IP6K1: variants seen among roughly 807,000 people sequenced by gnomAD.
IP6K1 encodes the protein ATP:1D-myo-inositol-hexakisphosphate phosphotransferase.
Under a neutral mutation model 38.3 loss-of-function variants are expected in IP6K1, and 13 were observed. That is an observed-to-expected ratio of 0.34 (90% confidence interval 0.22 to 0.54). The LOEUF is 0.54. Among genes scored for constraint, IP6K1 ranks in the 20% least tolerant of loss-of-function variants. The pLI is 0.92. For missense variants in IP6K1, 397 were observed against 599.8 expected (o/e 0.66, Z 3.53); for synonymous variants, 212 against 229.9 (o/e 0.92, Z 0.70).
At chr3:49,762,692 A>G (rs941265628) in intron 1 of IP6K1, among the ~76,000 whole-genome samples, 9 of 152,198 alleles carry the variant, frequency 5.9e-5, no homozygotes, top group African/African-American at 1.9e-4. Flanking sequence ...TAAGAAAGAA[A>G]TATCAATCTT....
intron 2 of IP6K1, among the ~76,000 whole-genome samples, chr3:49,743,275 CACACACTT>C (rs1279931332): frequency 1.3e-5 from 2 of 150,878 alleles, no homozygotes; most frequent in East Asian, 2.0e-4. Context: ...CACACACACA[CACACACTT>C]ACCTTTCAGC....
chr3:49,748,016 C>G lies in IP6K1; in HGVS notation c.25G>C (p.Val9Leu). The G allele has an allele frequency of 6.2e-7, 1 of 1,613,604 alleles. No individual in the cohort carries two copies. The highest frequency in any genetic ancestry group is 8.5e-7 in the Non-Finnish European group (1 of 1,180,046). Residue 9 changes from valine to leucine, a missense_variant, in exon 2 of 6, where the codon GTG (valine) becomes CTG (leucine). This residue lies in a region of IP6K1 where 171 missense variants were observed against 237.0 expected (regional missense o/e 0.72). Transcript: ENST00000321599. MCVCQTME[V>L]GQYGKNASRA... The stretch of plus-strand genomic sequence containing the variant: ...CTTGCATTCTTGCCATACTGCCCCA[C>G]TTCCATGGTTTGACAAACACACATT...
chr3:49,751,254 C>G (rs1363133855), intron 1 of IP6K1, among the ~76,000 whole-genome samples: 2 of 152,022 alleles, frequency 1.3e-5, no homozygotes, highest in African/African-American at 2.4e-5. Context: ...CTCCAGGGTT[C>G]AAGCGATTCT....
At chr3:49,757,314 G>A (rs1209709246) in intron 1 of IP6K1, among the ~76,000 whole-genome samples, 2 of 152,178 alleles carry the variant, frequency 1.3e-5, no homozygotes, top group African/African-American at 2.4e-5. Context: ...TAAGCACAGT[G>A]GGGACAAGTT....
At chr3:49,776,283 G>A (rs1348612163) in intron 1 of IP6K1, among the ~76,000 whole-genome samples, 1 of 151,946 alleles carries the variant, frequency 6.6e-6, no homozygotes, top group Non-Finnish European at 1.5e-5. Context: ...TTGGGAGGCC[G>A]AGATGGGCAG....
chr3:49,728,004 G>T, intron 5 of IP6K1, 99 bp downstream of exon 5: 1 of 1,230,612 alleles, frequency 8.1e-7, no homozygotes, highest in Non-Finnish European at 1.2e-6. Flanking sequence ...AGGACAGAGG[G>T]GCTCAGGAGG....
chr3:49,762,590 TA>T (rs774145417), intron 1 of IP6K1, among the ~76,000 whole-genome samples: 3 of 151,986 alleles, frequency 2.0e-5, no homozygotes, highest in Non-Finnish European at 4.4e-5. Flanking sequence ...TGAACACTCC[TA>T]TATCTATTAA....
rs1248443951 is a variant in IP6K1, at chr3:49,726,949, C to T, written c.*173G>A. On this transcript the variant is annotated 3_prime_UTR_variant, in exon 6 of 6. Transcript: ENST00000321599. The stretch of plus-strand genomic sequence containing the variant: ...GCTGAGAGGGCGTGTGGTCTGCCCT[C>T]CTTCACTTTATATATATGGATTCCA... 3 of 668,734 alleles carry T rather than the reference C, an allele frequency of 4.5e-6. No individual in the cohort carries two copies. The African/African-American group carries it at 5.4e-5, about 12-fold the overall frequency. 41.4% of individuals were successfully genotyped at this position (668,734 alleles called of 1,614,324 possible).
intron 1 of IP6K1, among the ~76,000 whole-genome samples, chr3:49,767,510 C>T (rs138618003): frequency 2.8e-4 from 43 of 152,010 alleles, no homozygotes; most frequent in African/African-American, 9.4e-4. Context: ...AACCGGGAGG[C>T]GGAAACTGTG....
Position 49,738,327 on chromosome 3 carries a change from T to C in IP6K1, c.319A>G (p.Thr107Ala). 1.2e-6 allele frequency: 2 copies of C among 1,614,200 alleles called. No homozygotes were observed. Among genetic ancestry groups the C allele is most frequent in the Non-Finnish European group, 1.7e-6 (2 of 1,180,028 alleles). ...CGCCGAGGTTGCTCCCGTTCTGTTG[T>C]GTCATCCTGTTCCACAGTCTCACTT... ...VESETVEQDDTTEREQPRRKH... is the reference protein window; with the variant it reads ...VESETVEQDDATEREQPRRKH... Residue 107 changes from threonine (T) to alanine (A), a missense_variant, in exon 3 of 6, where the codon ACA (threonine) becomes GCA (alanine). Physicochemically the swap from Thr to Ala is moderately conservative, Grantham distance 58. This residue lies in a region of IP6K1 where 171 missense variants were observed against 237.0 expected (regional missense o/e 0.72). Transcript: ENST00000321599.
At chr3:49,751,236 A>C (rs1022371070) in intron 1 of IP6K1, among the ~76,000 whole-genome samples, 3 of 151,698 alleles carry the variant, frequency 2.0e-5, no homozygotes, top group African/African-American at 7.3e-5. Context: ...GCTCACTGCA[A>C]CCTCTGCCTC....
At chr3:49,764,128 A>T in intron 1 of IP6K1, among the ~76,000 whole-genome samples, 1 of 151,838 alleles carries the variant, frequency 6.6e-6, no homozygotes, top group Non-Finnish European at 1.5e-5. Flanking sequence ...CATGCCTGTA[A>T]TTGCACACTT....
At chr3:49,734,043 T>A (rs940766812) in intron 3 of IP6K1, among the ~76,000 whole-genome samples, 1 of 152,048 alleles carries the variant, frequency 6.6e-6, no homozygotes, top group Non-Finnish European at 1.5e-5. Flanking sequence ...GAGGCTAAGG[T>A]GGGAGGATCA....
intron 1 of IP6K1, among the ~76,000 whole-genome samples, chr3:49,751,736 G>A (rs1351050657): frequency 1.3e-5 from 2 of 152,174 alleles, no homozygotes; most frequent in African/African-American, 2.4e-5. Flanking sequence ...TGTTTGCTTT[G>A]TAATACTTTA....
intron 1 of IP6K1, chr3:49,775,525 G>A: frequency 9.9e-7 from 1 of 1,014,712 alleles, no homozygotes; most frequent in Non-Finnish European, 1.5e-6. Flanking sequence ...GAGAAGGATA[G>A]AGATGGCTGC....
At position 49,728,147 on chromosome 3, in the gene IP6K1, G is replaced by C; in HGVS notation, c.748C>G (p.Gln250Glu). The C allele has an allele frequency of 6.2e-7, 1 of 1,614,122 alleles. No individual in the cohort carries two copies. Among genetic ancestry groups the C allele is most frequent in the East Asian group, 2.2e-5 (1 of 44,892 alleles). ...ACGCCCAGCGTGGCTGATGTGCTCT[G>C]CTCGCATTTCCGCATCTGCCGGGCT... is the stretch of plus-strand genomic sequence containing the variant. The part of the protein sequence containing the change: ...KAARQMRKCE[Q>E]STSATLGVRV... The change falls in exon 5 of 6, where the codon CAG becomes GAG. Residue 250 changes from glutamine to glutamate, a missense_variant. Gln to Glu is a conservative substitution (Grantham distance 29). Transcript: ENST00000321599.
chr3:49,744,754 C>T (rs1004654642), intron 2 of IP6K1, among the ~76,000 whole-genome samples: 9 of 152,176 alleles, frequency 5.9e-5, no homozygotes, highest in African/African-American at 1.2e-4. Context: ...TGAAGTATCA[C>T]TGCTTTTAGG....
chr3:49,742,942 A>G (rs1194320381), intron 2 of IP6K1, among the ~76,000 whole-genome samples: 1 of 150,104 alleles, frequency 6.7e-6, no homozygotes, highest in Non-Finnish European at 1.5e-5. Flanking sequence ...TTAAAAAAAC[A>G]CACAGTCCAG....
intron 1 of IP6K1, among the ~76,000 whole-genome samples, chr3:49,780,146 A>G (rs898768993): frequency 6.6e-6 from 1 of 152,154 alleles, no homozygotes; most frequent in African/African-American, 2.4e-5. Context: ...AAAATTTTAC[A>G]AAAGAGATCA....
Sources: allele counts gnomAD v4.1 joint callset (sites outside exome capture counted in the v4.1 genomes callset), GRCh38; gene constraint gnomAD v4.1.1; regional missense constraint gnomAD v4.1.1; transcripts MANE v1.5; gene names NCBI Gene and HGNC (gene_info 2026-07-23, HGNC 2026-07-21).